The following LAMP5 variants were observed in gnomAD, a reference collection of about 807,000 sequenced individuals.
LAMP5 encodes the protein lysosome associated membrane protein 5.
Under a neutral mutation model 30.2 loss-of-function variants are expected in LAMP5, and 36 were observed. The ratio of observed to expected loss-of-function variants is 1.19; its 90% confidence interval spans 0.91 to 1.57. The LOEUF (loss-of-function observed/expected upper bound fraction) is 1.57, where lower values mean the gene tolerates loss of function less well. LAMP5 is among the 40% of genes most tolerant of loss of function. LAMP5 has a pLI of 0.00. For synonymous variants in LAMP5, 149 were observed against 134.6 expected (o/e 1.11, Z -0.74); for missense variants, 377 against 354.9 (o/e 1.06, Z -0.50).
rs1475335749 is a variant in LAMP5 at position 9,530,315 on chromosome 20, C to T, written c.*495C>T. 1 of 152,946 alleles carries T rather than the reference C, an allele frequency of 6.5e-6. No homozygotes were observed. The highest frequency in any genetic ancestry group is 1.5e-5 in the Non-Finnish European group (1 of 68,276). The allele number at this position is 152,946 out of a possible 1,614,324, so 9.5% of individuals were successfully genotyped here. ...GCAAGACCCCTGAAAGTGATTCATG[C>T]TTCTGGCTGGCATTCTGCATGTTTA... is the stretch of plus-strand genomic sequence containing the variant. On this transcript the variant is annotated 3_prime_UTR_variant, in exon 6 of 6. Coordinates refer to ENST00000246070, the MANE Select transcript of LAMP5 (RefSeq NM_012261.4).
rs2045136525 is a variant in LAMP5 at position 9,529,645 on chromosome 20, A to G, written c.668A>G (p.His223Arg). Residue 223 changes from histidine (H) to arginine (R), a missense_variant, in exon 6 of 6, where the codon CAT becomes CGT. His to Arg is a conservative substitution (Grantham distance 29, BLOSUM62 0). Coordinates refer to ENST00000246070, the MANE Select transcript of LAMP5 (RefSeq NM_012261.4). The part of the protein sequence containing the change: ...IISDFVFSEE[H>R]KCPVDEREQL... ...CTTTTCTTCTTTCCCATTGCAGAGC[A>G]TAAATGCCCAGTGGATGAGCGGGAG... The G allele has an allele frequency of 6.2e-6, 10 of 1,614,056 alleles. No homozygotes were observed. The highest frequency in any genetic ancestry group is 7.6e-6 in the Non-Finnish European group (9 of 1,179,934).
chr20:9,526,270 A>T (rs1372639519), intron 5 of LAMP5, among the ~76,000 whole-genome samples: 3 of 152,336 alleles, frequency 2.0e-5, no homozygotes, highest in African/African-American at 7.2e-5. Flanking sequence ...ATATTTTAAA[A>T]TTTTTAAAAA....
rs570004289 is a variant in LAMP5, at chr20:9,529,637, T to C, written c.665-5T>C. On this transcript the variant is annotated splice_region_variant and splice_polypyrimidine_tract_variant and intron_variant, in intron 5 of 5. Coordinates refer to ENST00000246070, the MANE Select transcript of LAMP5 (RefSeq NM_012261.4). ...GCTCTCTGCTTTTCTTCTTTCCCATTGCAGAGCATAAATGCCCAGTGGATG... is the reference window on the plus strand; with the variant it reads ...GCTCTCTGCTTTTCTTCTTTCCCATCGCAGAGCATAAATGCCCAGTGGATG... 5 of 1,613,170 alleles carry C rather than the reference T, an allele frequency of 3.1e-6. No homozygotes were observed. In the South Asian group the frequency reaches 4.4e-5, roughly 14 times the overall value.
In LAMP5 at chr20:9,529,869, G is replaced by A. The variant is rs754482222; in HGVS notation, c.*49G>A. 1.3e-6 allele frequency: 2 copies of A among 1,575,616 alleles called. No homozygotes were observed. Among genetic ancestry groups the A allele is most frequent in the South Asian group, 1.1e-5 (1 of 88,670 alleles). Reference sequence around the variant, plus strand: ...ATTCCTGCTCCCCCAACTGGATCAGGTAGAACAACAAAAGCACTTTTCCAT... The same window carrying A: ...ATTCCTGCTCCCCCAACTGGATCAGATAGAACAACAAAAGCACTTTTCCAT... On this transcript the variant is annotated 3_prime_UTR_variant, in exon 6 of 6. Transcript: ENST00000246070.
Position 9,518,115 on chromosome 20 carries a change from C to T in LAMP5, c.551C>T (p.Ala184Val). The change falls in exon 5 of 6, where the codon GCT becomes GTT. Residue 184 changes from alanine to valine, a missense_variant. Transcript: ENST00000246070. ...TPAGKSYECQAQQTISLASSD... is the reference protein window; with the variant it reads ...TPAGKSYECQVQQTISLASSD... ...GCTGGGAAGTCCTATGAGTGTCAAG[C>T]TCAACAAACCATTTCACTGGCCTCT... The T allele has an allele frequency of 6.2e-7, 1 of 1,614,202 alleles. No individual in the cohort carries two copies. The highest frequency in any genetic ancestry group is 8.5e-7 in the Non-Finnish European group (1 of 1,180,024).
intron 5 of LAMP5, among the ~76,000 whole-genome samples, chr20:9,523,011 C>T (rs2045089506): frequency 8.5e-6 from 1 of 118,330 alleles, no homozygotes; most frequent in Non-Finnish European, 1.6e-5. Context: ...GGAGTCAAGG[C>T]TGGCCTTGAA....
intron 5 of LAMP5, among the ~76,000 whole-genome samples, chr20:9,518,927 C>A (rs565051796): frequency 6.6e-6 from 1 of 152,290 alleles, no homozygotes; most frequent in South Asian, 2.1e-4. Context: ...AAGGCTGAGC[C>A]GTTTAAGGCC....
intron 5 of LAMP5, among the ~76,000 whole-genome samples, chr20:9,521,268 A>G (rs971861384): frequency 6.6e-6 from 1 of 152,124 alleles, no homozygotes; most frequent in African/African-American, 2.4e-5. Context: ...CAAGGAGTCC[A>G]TGGGTCCCAG....
At position 9,514,807 on chromosome 20, in the gene LAMP5, C is replaced by T. The variant is rs55905271; in HGVS notation, c.-46C>T. On this transcript the variant is annotated 5_prime_UTR_variant, in exon 1 of 6. Coordinates refer to ENST00000246070, the MANE Select transcript of LAMP5 (RefSeq NM_012261.4). ...CGACTTTGAGGGATTCCCTCTCTGG[C>T]GGCCTCTGCAGCAGCACAGCCGGCC... The T allele has an allele frequency of 4.4e-6, 7 of 1,584,234 alleles. No individual in the cohort carries two copies. The highest frequency in any genetic ancestry group is 2.2e-5 in the East Asian group (1 of 44,632).
chr20:9,529,837 A>AC lies in LAMP5; in HGVS notation c.*22dup. 6.2e-7 allele frequency: 1 copy of AC among 1,612,672 alleles called. No individual in the cohort carries two copies. The highest frequency in any genetic ancestry group is 1.7e-5 in the Admixed American group (1 of 59,966). ...ATGGGCTAGAGGCCGTTAGGCAGGC[A>AC]CCCCCTATTCCTGCTCCCCCAACTG... On this transcript the variant is annotated 3_prime_UTR_variant, in exon 6 of 6. Coordinates refer to ENST00000246070, the MANE Select transcript of LAMP5 (RefSeq NM_012261.4).
chr20:9,518,233 G>T lies in LAMP5; in HGVS notation c.664+5G>T, dbSNP rs1568943351. On this transcript the variant is annotated splice_donor_5th_base_variant and intron_variant, in intron 5 of 5. Transcript: ENST00000246070. The stretch of plus-strand genomic sequence containing the variant: ...CAGATTTTGTCTTCAGTGAAGGTAA[G>T]TTGTTGGGGGATGGAGGGGAAGAAG... 3 of 1,613,470 alleles carry T rather than the reference G, an allele frequency of 1.9e-6. No homozygotes were observed. The highest frequency in any genetic ancestry group is 2.5e-6 in the Non-Finnish European group (3 of 1,179,526).
chr20:9,514,961 G>A, intron 1 of LAMP5, 45 bp downstream of exon 1: 2 of 1,544,058 alleles, frequency 1.3e-6, no homozygotes, highest in Admixed American at 1.7e-5. Context: ...GGCACTCTTT[G>A]CAGAGAACAG....
At chr20:9,516,506 A>G in intron 4 of LAMP5, 145 bp downstream of exon 4, 1 of 700,244 alleles carries the variant, frequency 1.4e-6, no homozygotes, top group Non-Finnish European at 2.4e-6. Context: ...TTAGGGCGGA[A>G]GAGGCGGGAG....
intron 5 of LAMP5, among the ~76,000 whole-genome samples, chr20:9,527,438 G>GT (rs11480830): frequency 0.16 from 23,817 of 152,110 alleles, 2,389 homozygotes; most frequent in East Asian, 0.32. Flanking sequence ...ATATGTGAAA[G>GT]TAAGTCTCCA....
intron 5 of LAMP5, among the ~76,000 whole-genome samples, 194 bp from the exon 6 acceptor site, chr20:9,529,448 T>C (rs1469771397): frequency 6.6e-6 from 1 of 152,262 alleles, no homozygotes. Flanking sequence ...AGTTAATTGA[T>C]GTATTTTTAT....
At chr20:9,518,577 G>C (rs1167240631) in intron 5 of LAMP5, among the ~76,000 whole-genome samples, 1 of 152,026 alleles carries the variant, frequency 6.6e-6, no homozygotes, top group Non-Finnish European at 1.5e-5. Context: ...TTTGCCAAAA[G>C]ATGAACCTTC....
In LAMP5 at chr20:9,516,148, C is replaced by G; in HGVS notation, c.369+17C>G. The stretch of plus-strand genomic sequence containing the variant: ...TTTGTAAAGGTAACTCCGAGCCCAG[C>G]GGGCAGAGGGGCCGCAGGCTCCGCG... On this transcript the variant is annotated intron_variant, in intron 3 of 5. Transcript: ENST00000246070. 1 of 1,575,078 alleles carries G rather than the reference C, an allele frequency of 6.3e-7. No individual in the cohort carries two copies. The highest frequency in any genetic ancestry group is 1.2e-5 in the South Asian group (1 of 85,560).
rs766941686 is a variant in LAMP5 at position 9,516,324 on chromosome 20, C to G, written c.438C>G (p.Asp146Glu). The change falls in exon 4 of 6, where the codon GAC becomes GAG. Residue 146 changes from aspartate to glutamate, a missense_variant. Asp to Glu is a conservative substitution (Grantham distance 45). Transcript: ENST00000246070. ...WRLSKVQFVY[D>E]SSEKTHFKDA... Reference sequence around the variant, plus strand: ...TGAGCAAAGTGCAGTTTGTCTACGACTCCTCGGAGAAAACCCACTTCAAAG... The same window carrying G: ...TGAGCAAAGTGCAGTTTGTCTACGAGTCCTCGGAGAAAACCCACTTCAAAG... The G allele has an allele frequency of 6.2e-7, 1 of 1,614,152 alleles. No homozygotes were observed. Among genetic ancestry groups the G allele is most frequent in the East Asian group, 2.2e-5 (1 of 44,864 alleles).
At chr20:9,518,426 TCTCC>T (rs1291817304) in intron 5 of LAMP5, among the ~76,000 whole-genome samples, 198 bp downstream of exon 5, 1 of 152,216 alleles carries the variant, frequency 6.6e-6, no homozygotes, top group Non-Finnish European at 1.5e-5. Flanking sequence ...GTTCTTTCTT[TCTCC>T]CTCCCAGCCT....
Sources: allele counts gnomAD v4.1 joint callset (sites outside exome capture counted in the v4.1 genomes callset), GRCh38; gene constraint gnomAD v4.1.1; transcripts MANE v1.5; gene names NCBI Gene and HGNC (gene_info 2026-07-23, HGNC 2026-07-21).